PRKN: variants seen among roughly 807,000 people sequenced by gnomAD.
PRKN encodes parkin RBR E3 ubiquitin protein ligase.
PRKN carries 56 observed loss-of-function variants against 59.5 expected under a neutral mutation model. The ratio of observed to expected loss-of-function variants is 0.94; its 90% CI spans 0.76 to 1.18. The LOEUF (loss-of-function observed/expected upper bound fraction) is 1.18. Among genes scored for constraint, PRKN ranks in the 50% most tolerant of loss-of-function variants. The pLI is 0.00. For missense variants in PRKN, 657 were observed against 596.4 expected (o/e 1.10, Z -1.06); for synonymous variants, 250 against 222.1 (o/e 1.13, Z -1.12).
chr6:162,093,366 C>T (rs1779589426), intron 4 of PRKN, among the ~76,000 whole-genome samples: 1 of 152,142 alleles, frequency 6.6e-6, no homozygotes, highest in African/African-American at 2.4e-5. Flanking sequence ...GCAAAGGAAA[C>T]CCAGAGGCGG....
At chr6:162,532,999 C>G (rs988839163) in intron 1 of PRKN, among the ~76,000 whole-genome samples, 1 of 152,180 alleles carries the variant, frequency 6.6e-6, no homozygotes, top group Admixed American at 6.5e-5. Context: ...ACAACCTAAA[C>G]TACATCTTCT....
In PRKN at chr6:162,406,175, C is replaced by T. The variant is rs116303975; in HGVS notation, c.171+37135G>A. Among the ~76,000 whole-genome samples, 1,441 of 152,294 alleles carry T rather than the reference C, an allele frequency of 9.5e-3. 29 individuals are homozygous for T. The highest frequency in any genetic ancestry group is 0.033 in the African/African-American group (1,353 of 41,552). ...CTTTTCATGCATTCACTTACTCAAC[C>T]TTCACTGCAACCATGTAAGATCGTT... On this transcript the variant is annotated intron_variant, in intron 2 of 11. Coordinates refer to ENST00000366898, the MANE Select transcript of PRKN (RefSeq NM_004562.3).
intron 9 of PRKN, among the ~76,000 whole-genome samples, chr6:161,491,393 G>C (rs1777551443): frequency 6.6e-6 from 1 of 152,202 alleles, no homozygotes; most frequent in East Asian, 1.9e-4. Flanking sequence ...GCACCTGGCT[G>C]AACATCGTTT....
At chr6:161,500,155 T>C (rs1365633273) in intron 9 of PRKN, among the ~76,000 whole-genome samples, 1 of 152,222 alleles carries the variant, frequency 6.6e-6, no homozygotes, top group Non-Finnish European at 1.5e-5. Context: ...TCAATAGAGA[T>C]TATTTTTAAA....
At chr6:162,249,749 TA>T (rs1417232761) in intron 3 of PRKN, among the ~76,000 whole-genome samples, 1 of 152,192 alleles carries the variant, frequency 6.6e-6, no homozygotes, top group Non-Finnish European at 1.5e-5. Context: ...CCTATCTGGT[TA>T]ATTAACAGTC....
At chr6:162,344,305 C>T (rs1418525565) in intron 2 of PRKN, among the ~76,000 whole-genome samples, 1 of 150,206 alleles carries the variant, frequency 6.7e-6, no homozygotes, top group Non-Finnish European at 1.5e-5. Context: ...AGAGACTCTG[C>T]AATCAGAGAT....
intron 2 of PRKN, among the ~76,000 whole-genome samples, chr6:162,339,326 TCTGGGAGGGAGGTGGGGGGGTCAGCCCCC>T: frequency 8.2e-6 from 1 of 122,034 alleles, no homozygotes; most frequent in Non-Finnish European, 1.7e-5. Context: ...AGCCGCGCCG[TCTGGGAGGGAGGTGGGGGGGTCAGCCCCC>T]GCCCGGCCAG....
chr6:162,617,167 C>T (rs1248677996), intron 1 of PRKN, among the ~76,000 whole-genome samples: 2 of 152,030 alleles, frequency 1.3e-5, no homozygotes, highest in Non-Finnish European at 2.9e-5. Context: ...CCCTACTTAC[C>T]ATTTTTTGTT....
At position 161,790,509 on chromosome 6, in the gene PRKN, C is replaced by T. The variant is rs181959204; in HGVS notation, c.735-4601G>A. Among the ~76,000 whole-genome samples, 356 of 152,248 alleles carry T rather than the reference C, an allele frequency of 2.3e-3. 2 individuals carry two copies. The highest frequency in any genetic ancestry group is 4.3e-3 in the Non-Finnish European group (293 of 68,020). The stretch of plus-strand genomic sequence containing the variant: ...TCTCCAAAATGATGGTGTTAGAACA[C>T]GGGGTCTTTAGGAAGTGAATGGTGT... On this transcript the variant is annotated intron_variant, in intron 6 of 11. Coordinates refer to ENST00000366898, the MANE Select transcript of PRKN (RefSeq NM_004562.3).
intron 9 of PRKN, among the ~76,000 whole-genome samples, chr6:161,387,578 G>A (rs866769839): frequency 1.3e-5 from 2 of 152,334 alleles, no homozygotes; most frequent in African/African-American, 4.8e-5. Context: ...GTATTAGAAT[G>A]TAAGGAAAAA....
At chr6:162,017,976 G>A (rs1354700238) in intron 5 of PRKN, among the ~76,000 whole-genome samples, 3 of 152,102 alleles carry the variant, frequency 2.0e-5, no homozygotes, top group East Asian at 1.9e-4. Flanking sequence ...ATGACCCTGC[G>A]GGAAAGATCT....
intron 9 of PRKN, among the ~76,000 whole-genome samples, chr6:161,421,265 T>C (rs1788094799): frequency 6.6e-6 from 1 of 152,152 alleles, no homozygotes; most frequent in Admixed American, 6.6e-5. Flanking sequence ...ACGTGCTGAA[T>C]TCCCAACATA....
At chr6:161,699,644 T>C (rs573329871) in intron 7 of PRKN, among the ~76,000 whole-genome samples, 71 of 152,214 alleles carry the variant, frequency 4.7e-4, no homozygotes, top group Non-Finnish European at 8.8e-4. Context: ...ATTTATATAA[T>C]AAAAATTTCA....
Position 161,395,911 on chromosome 6 carries a change from G to A in PRKN, c.1084-9034C>T, listed in dbSNP as rs540787182. Among the ~76,000 whole-genome samples, 5 of 152,146 alleles carry A rather than the reference G, an allele frequency of 3.3e-5. No individual in the cohort carries two copies. The highest frequency in any genetic ancestry group is 4.8e-5 in the African/African-American group (2 of 41,422). ...GACTTGTAATGAATTTAAGCTCAGC[G>A]GCTTTAAACACAGACAGCCAACAAA... On this transcript the variant is annotated intron_variant, in intron 9 of 11. Coordinates refer to ENST00000366898, the MANE Select transcript of PRKN (RefSeq NM_004562.3). This position sits in a 1 kb window ranked among gnomAD's most constrained non-coding sequence, Gnocchi z 5.0.
rs1168023871 is a variant in PRKN, at chr6:161,487,211, C to T, written c.1083+61643G>A. Among the ~76,000 whole-genome samples the T allele has an allele frequency of 6.6e-6, 1 of 152,208 alleles. No homozygotes were observed. The highest frequency in any genetic ancestry group is 1.5e-5 in the Non-Finnish European group (1 of 68,032). ...AGCAATTCTGAGTGAAGTCCTATCC[C>T]TCAACCCTTTTTACAGGAGAAGACA... On this transcript the variant is annotated intron_variant, in intron 9 of 11. Coordinates refer to ENST00000366898, the MANE Select transcript of PRKN (RefSeq NM_004562.3). This position sits in a 1 kb window ranked among gnomAD's most constrained non-coding sequence, Gnocchi z 5.3.
intron 3 of PRKN, among the ~76,000 whole-genome samples, chr6:162,224,931 C>T (rs567268156): frequency 6.6e-6 from 1 of 152,148 alleles, no homozygotes; most frequent in African/African-American, 2.4e-5. Flanking sequence ...GTTAGTGGTA[C>T]CCGAAACTCC....
chr6:161,553,881 C>A (rs762732522), intron 8 of PRKN, among the ~76,000 whole-genome samples: 1 of 152,174 alleles, frequency 6.6e-6, no homozygotes, highest in East Asian at 1.9e-4. Context: ...TCAATAGCTT[C>A]CTCGCTATCT....
intron 2 of PRKN, among the ~76,000 whole-genome samples, chr6:162,373,189 A>G (rs1363326060): frequency 1.3e-5 from 2 of 152,230 alleles, no homozygotes; most frequent in Non-Finnish European, 2.9e-5. Context: ...AACTAGTAAT[A>G]TAATAGCTAC....
intron 5 of PRKN, among the ~76,000 whole-genome samples, chr6:161,993,896 G>T (rs1396688409): frequency 6.6e-6 from 1 of 152,136 alleles, no homozygotes; most frequent in Non-Finnish European, 1.5e-5. Context: ...AGGTGAAGGT[G>T]CCAGGCTCTT....
Sources: gnomAD v4.1 joint callset for allele counts (sites outside exome capture counted in the v4.1 genomes callset) on GRCh38, gnomAD v4.1.1 for gene constraint, Gnocchi (gnomAD v3.1) non-coding constraint, MANE v1.5 for transcripts, NCBI Gene and HGNC (gene_info 2026-07-23, HGNC 2026-07-21) for gene names.